QKI: variants seen among roughly 807,000 people sequenced by gnomAD.
QKI encodes the protein QKI, KH domain containing RNA binding.
In QKI, 10 loss-of-function variants were observed where a neutral mutation model predicts 39.0. The ratio of observed to expected loss-of-function variants is 0.26; its 90% confidence interval spans 0.16 to 0.43. The LOEUF is 0.43. QKI is among the 20% of genes least tolerant of loss of function. The pLI, the probability that QKI is intolerant of heterozygous loss-of-function variation, is 1.00. For missense variants in QKI, 218 were observed against 428.0 expected, an observed-to-expected ratio of 0.51 and a Z score of 4.33; for synonymous variants, 204 against 155.4, an observed-to-expected ratio of 1.31 and a Z score of -2.33.
intron 7 of QKI, chr6:163,567,233 A>T (rs951807807): frequency 1.0e-6 from 1 of 987,390 alleles, no homozygotes; most frequent in Non-Finnish European, 1.2e-6. Context: ...TTTTGGAGAA[A>T]ACTGAAGATT....
At chr6:163,452,438 A>G (rs1790639980) in intron 1 of QKI, among the ~76,000 whole-genome samples, 2 of 152,164 alleles carry the variant, frequency 1.3e-5, no homozygotes, top group Non-Finnish European at 2.9e-5. Context: ...CCTTATTAGA[A>G]TAAGTTATTT....
intron 1 of QKI, 135 bp from the exon 2 acceptor site, chr6:163,455,144 T>C: frequency 1.6e-6 from 1 of 620,540 alleles, no homozygotes; most frequent in Non-Finnish European, 2.6e-6. Context: ...CAGAGAATGA[T>C]AGAATAGGCC....
At position 163,437,320 on chromosome 6, in the gene QKI, T is replaced by G. The variant is rs890455175; in HGVS notation, c.143-17959T>G. 3.3e-5 allele frequency among the ~76,000 whole-genome samples: 5 copies of G among 152,380 alleles called. No individual in the cohort carries two copies. The South Asian group carries it at 8.3e-4, about 25-fold the overall frequency. ...GATGTATGTATACATATAGTACTTA[T>G]GTTAAAATTTTACTGTTTTTCTGTA... On this transcript the variant is annotated intron_variant, in intron 1 of 7. Transcript: ENST00000361752.
chr6:163,540,042 T>G (rs1781417404), intron 4 of QKI, among the ~76,000 whole-genome samples: 1 of 151,378 alleles, frequency 6.6e-6, no homozygotes, highest in African/African-American at 2.5e-5. Flanking sequence ...TGTTCACATC[T>G]TGAACTGTTT....
intron 3 of QKI, among the ~76,000 whole-genome samples, chr6:163,500,066 A>G (rs574806582): frequency 6.6e-6 from 1 of 152,272 alleles, no homozygotes; most frequent in East Asian, 1.9e-4. Context: ...AGTTAGAGCA[A>G]AAGCTCTCAG....
intron 3 of QKI, among the ~76,000 whole-genome samples, chr6:163,525,179 G>A (rs1030442749): frequency 3.3e-5 from 5 of 152,010 alleles, no homozygotes; most frequent in South Asian, 2.1e-4. Flanking sequence ...TGAACCATGT[G>A]CTGCCACTCT....
At chr6:163,534,838 C>A in intron 3 of QKI, 144 bp from the exon 4 acceptor site, 1 of 639,022 alleles carries the variant, frequency 1.6e-6, no homozygotes, top group Non-Finnish European at 2.5e-6. Context: ...TTTGAGGACC[C>A]AGAAAAATAA....
chr6:163,446,965 CT>C (rs1383711665), intron 1 of QKI, among the ~76,000 whole-genome samples: 3 of 152,136 alleles, frequency 2.0e-5, no homozygotes, highest in Non-Finnish European at 1.5e-5. Flanking sequence ...GCTAAAAAGA[CT>C]TTCTTTCACA....
At chr6:163,515,702 G>T (rs1211648656) in intron 3 of QKI, among the ~76,000 whole-genome samples, 5 of 152,102 alleles carry the variant, frequency 3.3e-5, no homozygotes, top group African/African-American at 1.2e-4. Flanking sequence ...ATGATATGGC[G>T]ATAGGTCATT....
At chr6:163,548,484 G>A (rs1186461109) in intron 4 of QKI, among the ~76,000 whole-genome samples, 2 of 152,044 alleles carry the variant, frequency 1.3e-5, no homozygotes, top group African/African-American at 4.8e-5. Context: ...TATGTGTGAT[G>A]GTCATACACA....
Position 163,576,435 on chromosome 6 carries a change from T to G in QKI, c.*5725T>G, listed in dbSNP as rs1047944. On this transcript the variant is annotated 3_prime_UTR_variant, in exon 8 of 8. Transcript: ENST00000361752. ...CTCTTCTTGGCAAAAGACACCACAT[T>G]GTGGGAAGATCTCAGCTTCCAGGGT... 99,239 of 152,000 alleles carry G rather than the reference T, an allele frequency of 0.65. 33,523 individuals carry two copies. Among genetic ancestry groups the G allele is most frequent in the East Asian group, 1 (5,157 of 5,178 alleles). The allele number at this position is 152,000 out of a possible 1,614,324, so 9.4% of individuals were successfully genotyped here. A position where few individuals can be genotyped will look rare whatever the true frequency, so the allele number is the denominator to read the frequency against.
At chr6:163,535,756 C>A (rs1210877378) in intron 4 of QKI, among the ~76,000 whole-genome samples, 2 of 151,916 alleles carry the variant, frequency 1.3e-5, no homozygotes, top group Non-Finnish European at 2.9e-5. Context: ...CATGGTGAAA[C>A]CCCATCTCTA....
chr6:163,554,326 C>T (rs1375331053), intron 4 of QKI, among the ~76,000 whole-genome samples: 2 of 152,148 alleles, frequency 1.3e-5, no homozygotes, highest in African/African-American at 4.8e-5. Flanking sequence ...TGCTTTACAC[C>T]CACACTATGC....
intron 4 of QKI, among the ~76,000 whole-genome samples, chr6:163,549,218 A>T (rs73246656): frequency 0.048 from 7,273 of 152,004 alleles, 592 homozygotes; most frequent in African/African-American, 0.17. Context: ...GGGGGGGGAC[A>T]TGAGGTTGGT....
chr6:163,426,541 A>G (rs768284083), intron 1 of QKI, among the ~76,000 whole-genome samples: 7 of 151,958 alleles, frequency 4.6e-5, no homozygotes, highest in Non-Finnish European at 1.0e-4. Flanking sequence ...CCCACTTGGA[A>G]CCAGAAGGTG....
At chr6:163,471,597 TAAGTC>T (rs1406760761) in intron 2 of QKI, among the ~76,000 whole-genome samples, 3 of 152,124 alleles carry the variant, frequency 2.0e-5, no homozygotes, top group African/African-American at 4.8e-5. Context: ...TAATGTTTGA[TAAGTC>T]AAGGAAGCAT....
intron 3 of QKI, among the ~76,000 whole-genome samples, chr6:163,479,827 A>T (rs1033883449): frequency 2.6e-5 from 4 of 152,112 alleles, no homozygotes; most frequent in African/African-American, 9.7e-5. Flanking sequence ...AAAATCTGAA[A>T]TTTTTCTTTT....
At chr6:163,568,033 A>T in intron 7 of QKI, 1 of 985,406 alleles carries the variant, frequency 1.0e-6, no homozygotes, top group Non-Finnish European at 1.2e-6. Flanking sequence ...ACTAACAGTG[A>T]TTGTTCAGTG....
intron 1 of QKI, among the ~76,000 whole-genome samples, chr6:163,435,455 G>A (rs775712011): frequency 2.0e-5 from 3 of 152,174 alleles, no homozygotes; most frequent in Non-Finnish European, 4.4e-5. Context: ...ACTCTTGAGA[G>A]AACAGGCTTT....
Sources: allele counts gnomAD v4.1 joint callset (sites outside exome capture counted in the v4.1 genomes callset), GRCh38; gene constraint gnomAD v4.1.1; transcripts MANE v1.5; gene names NCBI Gene and HGNC (gene_info 2026-07-23, HGNC 2026-07-21).